The following SAMD3 variants were observed in gnomAD, a reference collection of about 807,000 sequenced individuals.
SAMD3 encodes the protein sterile alpha motif domain containing 3.
A neutral mutation model predicts 58.5 loss-of-function variants in SAMD3; 63 were observed. That is an observed-to-expected ratio of 1.08 (90% CI 0.88 to 1.33). The LOEUF is 1.33. Among genes scored for constraint, SAMD3 ranks in the 40% most tolerant of loss-of-function variants. The probability of loss-of-function intolerance (pLI) is 0.00; values close to 1 mark genes in which losing one functional copy is unlikely to be tolerated. For missense variants in SAMD3, 604 were observed against 608.4 expected, an observed-to-expected ratio of 0.99 and a Z score of 0.08; for synonymous variants, 220 against 210.3, an observed-to-expected ratio of 1.05 and a Z score of -0.40.
At chr6:130,292,469 T>G (rs1775404441) in intron 2 of SAMD3, among the ~76,000 whole-genome samples, 1 of 150,486 alleles carries the variant, frequency 6.6e-6, no homozygotes, top group African/African-American at 2.4e-5. Context: ...GTATTTTTAG[T>G]AGACACAGGG....
At chr6:130,344,988 A>G (rs1346666941) in intron 1 of SAMD3, among the ~76,000 whole-genome samples, 1 of 151,740 alleles carries the variant, frequency 6.6e-6, no homozygotes, top group Non-Finnish European at 1.5e-5. Context: ...ATCACAGTAC[A>G]CAAATGGAGG....
chr6:130,220,057 A>C (rs529955281), intron 1 of SAMD3, among the ~76,000 whole-genome samples: 1 of 152,262 alleles, frequency 6.6e-6, no homozygotes, highest in South Asian at 2.1e-4. Flanking sequence ...ACTGGAGTGC[A>C]GTGGCACTAT....
At chr6:130,277,547 G>A (rs1447843632) in intron 2 of SAMD3, among the ~76,000 whole-genome samples, 1 of 152,094 alleles carries the variant, frequency 6.6e-6, no homozygotes, top group East Asian at 1.9e-4. Context: ...ACAGTCTACT[G>A]GTTCTCCTTT....
chr6:130,301,922 C>T (rs1441971964), intron 2 of SAMD3, among the ~76,000 whole-genome samples: 2 of 152,078 alleles, frequency 1.3e-5, no homozygotes, highest in African/African-American at 4.8e-5. Flanking sequence ...TGGACCCCCA[C>T]CTCTCACCAT....
intron 2 of SAMD3, among the ~76,000 whole-genome samples, chr6:130,231,087 A>G (rs943751629): frequency 6.6e-6 from 1 of 152,230 alleles, no homozygotes; most frequent in African/African-American, 2.4e-5. Flanking sequence ...AGTTATGATA[A>G]TAGAAATAAC....
intron 1 of SAMD3, among the ~76,000 whole-genome samples, chr6:130,314,061 G>A (rs978356722): frequency 3.3e-5 from 5 of 152,156 alleles, no homozygotes; most frequent in African/African-American, 9.7e-5. Flanking sequence ...AATCTGCTAC[G>A]TGTAGCCAGA....
At chr6:130,273,829 A>T (rs1329183040) in intron 2 of SAMD3, among the ~76,000 whole-genome samples, 1 of 152,136 alleles carries the variant, frequency 6.6e-6, no homozygotes, top group African/African-American at 2.4e-5. Flanking sequence ...TGATGTCAAA[A>T]TTTGTATCTG....
At chr6:130,267,422 C>T (rs1774399592) in intron 2 of SAMD3, among the ~76,000 whole-genome samples, 1 of 152,160 alleles carries the variant, frequency 6.6e-6, no homozygotes, top group African/African-American at 2.4e-5. Flanking sequence ...CATTATCAAT[C>T]TATTGCACAG....
chr6:130,225,060 GAC>G (rs1245422456), upstream of SAMD3, among the ~76,000 whole-genome samples: 1 of 152,140 alleles, frequency 6.6e-6, no homozygotes, highest in African/African-American at 2.4e-5. Flanking sequence ...GACAGACAGA[GAC>G]AGAGAGCAGT....
At chr6:130,205,705 A>G (rs1408681722) in intron 5 of SAMD3, among the ~76,000 whole-genome samples, 1 of 152,230 alleles carries the variant, frequency 6.6e-6, no homozygotes, top group Non-Finnish European at 1.5e-5. Context: ...TTGTCCTTGA[A>G]GCACTTATAG....
intron 2 of SAMD3, among the ~76,000 whole-genome samples, chr6:130,310,913 A>G (rs567713234): frequency 7.2e-5 from 11 of 152,320 alleles, no homozygotes; most frequent in Middle Eastern, 6.8e-3. Flanking sequence ...CGATTTTTCA[A>G]TGATTAAAAC....
intron 1 of SAMD3, among the ~76,000 whole-genome samples, chr6:130,350,952 C>T (rs1170155521): frequency 3.9e-5 from 6 of 152,104 alleles, no homozygotes; most frequent in Admixed American, 2.0e-4. Context: ...CTTTGACAAA[C>T]CCATCAAAAC....
chr6:130,270,280 A>T (rs909943052), intron 2 of SAMD3, among the ~76,000 whole-genome samples: 4 of 152,118 alleles, frequency 2.6e-5, no homozygotes, highest in Non-Finnish European at 5.9e-5. Context: ...TTTAGTAGAG[A>T]TGGGGTTTCA....
At chr6:130,354,593 T>A (rs1346022107) in intron 1 of SAMD3, among the ~76,000 whole-genome samples, 1 of 152,114 alleles carries the variant, frequency 6.6e-6, no homozygotes, top group Non-Finnish European at 1.5e-5. Flanking sequence ...AAATATCACA[T>A]GTTCTCACTT....
chr6:130,303,400 A>G (rs1346297580), intron 2 of SAMD3, among the ~76,000 whole-genome samples: 1 of 152,206 alleles, frequency 6.6e-6, no homozygotes, highest in African/African-American at 2.4e-5. Flanking sequence ...TGGAGCCAAT[A>G]TCTCCATTTA....
chr6:130,198,861 C>G (rs972468909), intron 5 of SAMD3, among the ~76,000 whole-genome samples: 1 of 152,162 alleles, frequency 6.6e-6, no homozygotes, highest in Non-Finnish European at 1.5e-5. Context: ...CCCCATGTGG[C>G]TTTATGGGAC....
chr6:130,191,514 A>T (rs1318363904), intron 5 of SAMD3, among the ~76,000 whole-genome samples: 1 of 152,196 alleles, frequency 6.6e-6, no homozygotes, highest in Non-Finnish European at 1.5e-5. Context: ...ATGAAAGTAG[A>T]TAATATTGCC....
At chr6:130,269,846 G>T (rs1239812718) in intron 2 of SAMD3, among the ~76,000 whole-genome samples, 1 of 151,622 alleles carries the variant, frequency 6.6e-6, no homozygotes, top group Admixed American at 6.6e-5. Context: ...AGAACTTAGT[G>T]GTACAGGCTT....
At chr6:130,323,208 C>G (rs1265615931) in intron 1 of SAMD3, among the ~76,000 whole-genome samples, 1 of 152,080 alleles carries the variant, frequency 6.6e-6, no homozygotes, top group Non-Finnish European at 1.5e-5. Flanking sequence ...CAACGGATAC[C>G]TCTTTCCCAG....
Sources: allele counts gnomAD v4.1 joint callset (sites outside exome capture counted in the v4.1 genomes callset), GRCh38; gene constraint gnomAD v4.1.1; transcripts MANE v1.5; gene names NCBI Gene and HGNC (gene_info 2026-07-23, HGNC 2026-07-21).